The following PAK1 variants were observed in gnomAD, a reference collection of about 807,000 sequenced individuals.
PAK1 encodes p21 (RAC1) activated kinase 1.
In PAK1, 29 loss-of-function variants were observed where a neutral mutation model predicts 67.4. The observed-to-expected ratio is 0.43, with a 90% CI of 0.32 to 0.59. The LOEUF (loss-of-function observed/expected upper bound fraction) is 0.59, where lower values mean the gene tolerates loss of function less well. Among genes scored for constraint, PAK1 ranks in the 20% least tolerant of loss-of-function variants. The pLI, the probability that PAK1 is intolerant of heterozygous loss-of-function variation, is 0.07. For missense variants in PAK1, 337 were observed against 670.7 expected (o/e 0.50, Z 5.50); for synonymous variants, 223 against 237.4 (o/e 0.94, Z 0.56).
the PAK1 span, among the ~76,000 whole-genome samples, chr11:77,484,920 G>C: frequency 6.6e-6 from 1 of 152,216 alleles, no homozygotes; most frequent in Admixed American, 6.5e-5. Context: ...CAGAAGGCAA[G>C]GAGGAACAAG....
intron 1 of PAK1, among the ~76,000 whole-genome samples, chr11:77,463,285 GAA>G: frequency 6.6e-6 from 1 of 152,174 alleles, no homozygotes; most frequent in Admixed American, 6.5e-5. Context: ...ATGCGATAAA[GAA>G]AACACAGCAA....
At chr11:77,498,342 T>A in the PAK1 span, among the ~76,000 whole-genome samples, 19 of 152,324 alleles carry the variant, frequency 1.2e-4, no homozygotes, top group East Asian at 3.3e-3. Flanking sequence ...AAATTTCCAG[T>A]CTTGACCATT....
chr11:77,394,871 C>A (rs955493724), intron 1 of PAK1, among the ~76,000 whole-genome samples: 1 of 151,674 alleles, frequency 6.6e-6, no homozygotes, highest in African/African-American at 2.4e-5. Flanking sequence ...AAACAAAATA[C>A]CCTTCATTGA....
At chr11:77,527,763 T>G in the PAK1 span, among the ~76,000 whole-genome samples, 1 of 152,240 alleles carries the variant, frequency 6.6e-6, no homozygotes. Flanking sequence ...AAAGGAAAAG[T>G]GTAATGAATC....
the PAK1 span, among the ~76,000 whole-genome samples, chr11:77,507,893 C>T: frequency 6.6e-6 from 1 of 152,100 alleles, no homozygotes; most frequent in South Asian, 2.1e-4. Flanking sequence ...ATGCAATAAT[C>T]TCAAGAGTAT....
intron 4 of PAK1, among the ~76,000 whole-genome samples, chr11:77,377,993 A>C (rs949272718): frequency 6.6e-6 from 1 of 152,190 alleles, no homozygotes; most frequent in Non-Finnish European, 1.5e-5. Context: ...CCATAGCAGC[A>C]TGAGTGAAGC....
At chr11:77,489,511 C>G in the PAK1 span, among the ~76,000 whole-genome samples, 2 of 152,082 alleles carry the variant, frequency 1.3e-5, no homozygotes, top group African/African-American at 2.4e-5. Context: ...CGAAGCTGGA[C>G]TGTACTGCTG....
chr11:77,412,938 G>C (rs1431378740), intron 1 of PAK1, among the ~76,000 whole-genome samples: 1 of 152,150 alleles, frequency 6.6e-6, no homozygotes. Flanking sequence ...ACACATTATA[G>C]AACATTTACC....
chr11:77,362,153 T>G (rs1946877689), intron 5 of PAK1, among the ~76,000 whole-genome samples: 1 of 152,214 alleles, frequency 6.6e-6, no homozygotes, highest in South Asian at 2.1e-4. Flanking sequence ...GTATGAATAG[T>G]ACCCTGGATT....
chr11:77,326,239 G>A (rs1252838304), intron 14 of PAK1, among the ~76,000 whole-genome samples: 2 of 152,212 alleles, frequency 1.3e-5, no homozygotes, highest in Admixed American at 6.5e-5. Context: ...GATTAGGCAG[G>A]CAGGAGTATA....
At chr11:77,454,295 C>G (rs1433534331) in intron 1 of PAK1, among the ~76,000 whole-genome samples, 1 of 138,574 alleles carries the variant, frequency 7.2e-6, no homozygotes, top group Admixed American at 6.7e-5. Context: ...AACTCTGGCT[C>G]CAAGTTCAAT....
At chr11:77,408,659 T>C (rs754166934) in intron 1 of PAK1, among the ~76,000 whole-genome samples, 6 of 151,990 alleles carry the variant, frequency 3.9e-5, no homozygotes, top group Non-Finnish European at 7.4e-5. Context: ...TTAAGGACAG[T>C]GCTCACAAAA....
intron 10 of PAK1, among the ~76,000 whole-genome samples, chr11:77,342,694 T>G (rs1302626393): frequency 6.6e-6 from 1 of 152,168 alleles, no homozygotes; most frequent in African/African-American, 2.4e-5. Context: ...GTTCAACTCT[T>G]TTCTTCTTTA....
At chr11:77,522,578 T>C in the PAK1 span, among the ~76,000 whole-genome samples, 4 of 152,170 alleles carry the variant, frequency 2.6e-5, no homozygotes, top group African/African-American at 9.7e-5. Context: ...ATAAAAGATG[T>C]TGAGGCTGCA....
In PAK1 at chr11:77,345,883, C is replaced by T. The variant is rs535391476; in HGVS notation, c.886-1952G>A. Among the ~76,000 whole-genome samples, 103 of 152,322 alleles carry T rather than the reference C, an allele frequency of 6.8e-4. 1 individual carries two copies. The highest frequency in any genetic ancestry group is 2.3e-3 in the African/African-American group (95 of 41,574). On this transcript the variant is annotated intron_variant, in intron 9 of 14. Transcript: ENST00000356341. ...ATCTTGGAGGATGGGACACTGCTTA[C>T]GAACCACACAGTGGTCACTGCTGGC... is the stretch of plus-strand genomic sequence containing the variant.
intron 1 of PAK1, 92 bp from the exon 2 acceptor site, chr11:77,392,633 C>T (rs1249296071): frequency 5.1e-6 from 5 of 974,264 alleles, no homozygotes; most frequent in Non-Finnish European, 7.4e-6. Context: ...CAAAATTATA[C>T]AGCCCTTCCT....
intron 9 of PAK1, among the ~76,000 whole-genome samples, chr11:77,345,527 A>C (rs1168895589): frequency 6.6e-6 from 1 of 152,224 alleles, no homozygotes; most frequent in East Asian, 1.9e-4. Flanking sequence ...TCAAACTTTT[A>C]TGTGACAAAT....
At chr11:77,333,880 C>T (rs1942185659) in intron 13 of PAK1, among the ~76,000 whole-genome samples, 1 of 151,988 alleles carries the variant, frequency 6.6e-6, no homozygotes, top group African/African-American at 2.4e-5. Context: ...ATGTCTAGGG[C>T]CGGGCGTGGT....
intron 14 of PAK1, among the ~76,000 whole-genome samples, chr11:77,325,078 A>G (rs996698759): frequency 3.9e-5 from 6 of 152,218 alleles, no homozygotes; most frequent in African/African-American, 1.4e-4. Context: ...AATATTTACA[A>G]TGTACACCAA....
Sources: gnomAD v4.1 joint callset for allele counts (sites outside exome capture counted in the v4.1 genomes callset) on GRCh38, gnomAD v4.1.1 for gene constraint, MANE v1.5 for transcripts, NCBI Gene and HGNC (gene_info 2026-07-23, HGNC 2026-07-21) for gene names.